The following MON2 variants were observed in gnomAD, a reference collection of about 807,000 sequenced individuals.
MON2 encodes the protein MON2 regulator of endosome-to-Golgi trafficking.
MON2 carries 84 observed loss-of-function variants against 208.6 expected under a neutral mutation model. The observed-to-expected ratio is 0.40, with a 90% CI of 0.34 to 0.48. The LOEUF is 0.48. Among genes scored for constraint, MON2 ranks in the 20% least tolerant of loss-of-function variants. The pLI is 0.59. For missense variants in MON2, 1,611 were observed against 2,015.4 expected, an observed-to-expected ratio of 0.80 and a Z score of 3.84; for synonymous variants, 660 against 694.0, an observed-to-expected ratio of 0.95 and a Z score of 0.77.
chr12:62,566,379 G>A lies in MON2; in HGVS notation c.4252G>A (p.Val1418Met), dbSNP rs1370627705. The stretch of plus-strand genomic sequence containing the variant: ...TGCTGAAAGGTCTTTAGAAGTAGTT[G>A]TGGATTTATACCAAAAAACAGCGTG... ...PFAERSLEVVVDLYQKTACHK... is the reference protein window; with the variant it reads ...PFAERSLEVVMDLYQKTACHK... Residue 1418 changes from valine to methionine, a missense_variant, in exon 29 of 35, where the codon GTG becomes ATG. By Grantham distance (21) the Val-to-Met change is conservative (BLOSUM62 1). Transcript: ENST00000393630. 1.9e-6 allele frequency: 3 copies of A among 1,613,574 alleles called. No individual in the cohort carries two copies. The highest frequency in any genetic ancestry group is 2.5e-6 in the Non-Finnish European group (3 of 1,179,690).
chr12:62,557,772 G>A (rs1416958887), intron 25 of MON2, among the ~76,000 whole-genome samples: 1 of 150,534 alleles, frequency 6.6e-6, no homozygotes, highest in African/African-American at 2.4e-5. Flanking sequence ...GTTAGGGCTT[G>A]GTATATGTAT....
chr12:62,506,776 C>T (rs1232520730), intron 7 of MON2, among the ~76,000 whole-genome samples: 3 of 151,608 alleles, frequency 2.0e-5, no homozygotes, highest in African/African-American at 7.3e-5. Context: ...GAGCAAACAA[C>T]CTGCTCTGTG....
intron 1 of MON2, among the ~76,000 whole-genome samples, chr12:62,470,326 T>C (rs1210599529): frequency 6.6e-6 from 1 of 152,256 alleles, no homozygotes; most frequent in Admixed American, 6.5e-5. Flanking sequence ...TTACTGTCTT[T>C]GGACTTCTAC....
chr12:62,490,607 A>G (rs953697472), intron 2 of MON2, among the ~76,000 whole-genome samples: 1 of 152,118 alleles, frequency 6.6e-6, no homozygotes, highest in Non-Finnish European at 1.5e-5. Flanking sequence ...TTTTTTCCTT[A>G]TGATTTTTCT....
intron 11 of MON2, among the ~76,000 whole-genome samples, chr12:62,531,936 A>G (rs900473431): frequency 4.6e-5 from 7 of 151,788 alleles, no homozygotes; most frequent in East Asian, 1.9e-4. Context: ...CGCCTGGCTA[A>G]TTTTTTATAT....
intron 32 of MON2, among the ~76,000 whole-genome samples, chr12:62,582,322 T>C (rs1283475656): frequency 1.3e-5 from 2 of 152,200 alleles, no homozygotes; most frequent in African/African-American, 4.8e-5. Flanking sequence ...ATTCTTTCAG[T>C]GACTTTGCCA....
intron 23 of MON2, among the ~76,000 whole-genome samples, chr12:62,550,710 A>AC (rs2073701152): frequency 6.6e-6 from 1 of 152,050 alleles, no homozygotes; most frequent in African/African-American, 2.4e-5. Context: ...AACCTCATGA[A>AC]CTAGCCCCTG....
At chr12:62,557,798 T>A (rs2074023893) in intron 25 of MON2, among the ~76,000 whole-genome samples, 1 of 150,154 alleles carries the variant, frequency 6.7e-6, no homozygotes, top group Non-Finnish European at 1.5e-5. Flanking sequence ...AATATTGGGA[T>A]TTTTTCATAT....
At chr12:62,486,005 A>G (rs1181318285) in intron 2 of MON2, among the ~76,000 whole-genome samples, 2 of 152,150 alleles carry the variant, frequency 1.3e-5, no homozygotes, top group Non-Finnish European at 2.9e-5. Context: ...CCCGGCCAGC[A>G]TGTGGGTTTT....
chr12:62,486,755 A>G (rs1471196536), intron 2 of MON2, among the ~76,000 whole-genome samples: 1 of 152,106 alleles, frequency 6.6e-6, no homozygotes, highest in Non-Finnish European at 1.5e-5. Flanking sequence ...ATGGTACTTG[A>G]GACTATAGGA....
chr12:62,468,152 C>A (rs1445955658), intron 1 of MON2, among the ~76,000 whole-genome samples: 1 of 125,406 alleles, frequency 8.0e-6, no homozygotes, highest in African/African-American at 3.3e-5. Context: ...CATTTTAATT[C>A]TCTAAAAAAA....
intron 30 of MON2, among the ~76,000 whole-genome samples, chr12:62,577,393 C>T (rs1440787566): frequency 6.6e-6 from 1 of 152,044 alleles, no homozygotes; most frequent in Non-Finnish European, 1.5e-5. Context: ...GTAGTTGGTA[C>T]TCAGTAGATA....
chr12:62,540,176 A>G (rs964492008), intron 19 of MON2, among the ~76,000 whole-genome samples: 3 of 152,192 alleles, frequency 2.0e-5, no homozygotes, highest in African/African-American at 7.2e-5. Context: ...TTATTCAATA[A>G]GCACAGTAGG....
chr12:62,597,396 T>G lies in MON2; in HGVS notation c.*4647T>G, dbSNP rs2075549011. On this transcript the variant is annotated 3_prime_UTR_variant, in exon 35 of 35. Coordinates refer to ENST00000393630, the MANE Select transcript of MON2 (RefSeq NM_015026.3). Reference sequence around the variant, plus strand: ...TCATAAGAAGTGGAGCTGTTAGTGGTAGAACCACTGCTCATGGTTCTACCA... The same window carrying G: ...TCATAAGAAGTGGAGCTGTTAGTGGGAGAACCACTGCTCATGGTTCTACCA... The G allele has an allele frequency of 6.6e-6, 1 of 152,168 alleles. No homozygotes were observed. The highest frequency in any genetic ancestry group is 1.9e-4 in the East Asian group (1 of 5,192). 9.4% of individuals were successfully genotyped at this position (152,168 alleles called of 1,614,324 possible).
intron 6 of MON2, 80 bp from the exon 7 acceptor site, chr12:62,501,493 T>G: frequency 6.6e-7 from 1 of 1,515,758 alleles, no homozygotes; most frequent in Admixed American, 2.0e-5. Flanking sequence ...AGATAGATTT[T>G]TTTTAAAGAT....
At chr12:62,554,762 G>A (rs571382611) in intron 24 of MON2, among the ~76,000 whole-genome samples, 1 of 152,204 alleles carries the variant, frequency 6.6e-6, no homozygotes, top group South Asian at 2.1e-4. Context: ...GCCTTCCAAA[G>A]CACTGGGATT....
intron 34 of MON2, among the ~76,000 whole-genome samples, chr12:62,591,408 C>A (rs1432265500): frequency 6.6e-6 from 1 of 152,082 alleles, no homozygotes; most frequent in Non-Finnish European, 1.5e-5. Context: ...AGCATTTTTC[C>A]AAGATATGTA....
chr12:62,483,881 T>C (rs1162797448), intron 1 of MON2, among the ~76,000 whole-genome samples: 1 of 152,234 alleles, frequency 6.6e-6, no homozygotes, highest in Non-Finnish European at 1.5e-5. Context: ...TCGGAAAATT[T>C]AACTTTGCAG....
chr12:62,544,953 C>G lies in MON2; in HGVS notation c.2522C>G (p.Ser841Cys). Residue 841 changes from serine to cysteine, a missense_variant, in exon 21 of 35, where the codon TCT becomes TGT. Transcript: ENST00000393630. Reference protein sequence around the residue: ...MREWGAEALTSLIKAGLTFNH... With the variant: ...MREWGAEALTCLIKAGLTFNH... ...GAATGGGGAGCAGAAGCTTTAACTT[C>G]TCTTATTAAAGCAGGATTAACATTT... 6.2e-7 allele frequency: 1 copy of G among 1,609,056 alleles called. No homozygotes were observed. The highest frequency in any genetic ancestry group is 8.5e-7 in the Non-Finnish European group (1 of 1,177,690).
Sources: allele counts gnomAD v4.1 joint callset (sites outside exome capture counted in the v4.1 genomes callset), GRCh38; gene constraint gnomAD v4.1.1; transcripts MANE v1.5; gene names NCBI Gene and HGNC (gene_info 2026-07-23, HGNC 2026-07-21).